The following NMBR variants were observed in gnomAD, a reference collection of about 807,000 sequenced individuals.
NMBR encodes neuromedin B receptor, also known as neuromedin-B receptor.
A neutral mutation model predicts 20.5 loss-of-function variants in NMBR; 16 were observed. The observed-to-expected ratio is 0.78, with a 90% CI of 0.53 to 1.19. The LOEUF (loss-of-function observed/expected upper bound fraction) is 1.19, where lower values mean the gene tolerates loss of function less well. Among genes scored for constraint, NMBR ranks in the 50% most tolerant of loss-of-function variants. The probability of loss-of-function intolerance (pLI) is 0.00; values close to 1 mark genes in which losing one functional copy is unlikely to be tolerated. For synonymous variants in NMBR, 212 were observed against 196.6 expected (o/e 1.08, Z -0.65); for missense variants, 582 against 499.1 (o/e 1.17, Z -1.58).
intron 1 of NMBR, among the ~76,000 whole-genome samples, chr6:142,105,829 AT>A (rs1777653530): frequency 1.3e-5 from 2 of 152,166 alleles, no homozygotes; most frequent in East Asian, 1.9e-4. Context: ...ACATTTTATA[AT>A]TTTTTTAGAA....
chr6:142,090,875 C>T (rs924206292), intron 1 of NMBR, among the ~76,000 whole-genome samples: 3 of 151,742 alleles, frequency 2.0e-5, no homozygotes, highest in Non-Finnish European at 2.9e-5. Context: ...TTTATATTCT[C>T]CTCCTTGTGT....
intron 1 of NMBR, among the ~76,000 whole-genome samples, chr6:142,107,414 T>C (rs1777681647): frequency 6.6e-6 from 1 of 152,130 alleles, no homozygotes; most frequent in Non-Finnish European, 1.5e-5. Context: ...ATACTTACAG[T>C]GGCAGACAAA....
rs1174256945 is a variant in NMBR, at chr6:142,085,811, A to C, written c.422+2426T>G. On this transcript the variant is annotated intron_variant, in intron 2 of 3. Coordinates refer to ENST00000258042, the MANE Select transcript of NMBR (RefSeq NM_002511.4). ...GGCAAAGATCTTGTTAGGCAAAGAC[A>C]CTTAGGCCATCTGTGAAGACAGGAT... Among the ~76,000 whole-genome samples the C allele has an allele frequency of 2.6e-5, 4 of 152,134 alleles. No homozygotes were observed. In the East Asian group the frequency reaches 7.7e-4, roughly 29 times the overall value.
Position 142,088,604 on chromosome 6 carries a change from C to T in NMBR, c.55G>A (p.Gly19Ser), listed in dbSNP as rs1462223741. Residue 19 changes from glycine to serine, a missense_variant, in exon 2 of 4, where the codon GGT becomes AGT. Gly to Ser is a moderately conservative substitution (Grantham distance 56, BLOSUM62 0). Coordinates refer to ENST00000258042, the MANE Select transcript of NMBR (RefSeq NM_002511.4). Reference sequence around the variant, plus strand: ...CTTTCCCACCCCTCGGGAACGGAACCGCTCTCATTCGCGCCGGTGGTCACC... The same window carrying T: ...CTTTCCCACCCCTCGGGAACGGAACTGCTCTCATTCGCGCCGGTGGTCACC... ...LSVTTGANESGSVPEGWERDF... is the reference protein window; with the variant it reads ...LSVTTGANESSSVPEGWERDF... 1 of 1,610,608 alleles carries T rather than the reference C, an allele frequency of 6.2e-7. No individual in the cohort carries two copies.
Position 142,075,884 on chromosome 6 carries a change from T to C in NMBR, c.937A>G (p.Ser313Gly), listed in dbSNP as rs148442580. Residue 313 changes from serine to glycine, a missense_variant, in exon 4 of 4, where the codon AGT becomes GGT. Physicochemically the swap from Ser to Gly is moderately conservative, Grantham distance 56. Transcript: ENST00000258042. ...GGGTTGACACAAGAATTGCCAAAAC[T>C]GAGAACCCGGGCAACTAAGGTGACA... ...MIVTLVARVL[S>G]FGNSCVNPFA... The C allele has an allele frequency of 6.2e-7, 1 of 1,614,026 alleles. No homozygotes were observed. Among genetic ancestry groups the C allele is most frequent in the Non-Finnish European group, 8.5e-7 (1 of 1,179,964 alleles).
chr6:142,098,716 A>T (rs759005174), intron 1 of NMBR, among the ~76,000 whole-genome samples: 3 of 152,174 alleles, frequency 2.0e-5, no homozygotes, highest in Non-Finnish European at 2.9e-5. Context: ...GGAAAACTCA[A>T]GTTTTCCTTG....
chr6:142,099,169 C>T (rs1440739534), intron 1 of NMBR, among the ~76,000 whole-genome samples: 1 of 152,136 alleles, frequency 6.6e-6, no homozygotes, highest in East Asian at 1.9e-4. Context: ...AAAAGTAGAT[C>T]ACAGACCTAT....
In NMBR at chr6:142,097,919, T is replaced by C. The variant is rs1777490433; in HGVS notation, c.-663-8598A>G. 2.0e-5 allele frequency among the ~76,000 whole-genome samples: 3 copies of C among 151,964 alleles called. 1 individual carries two copies. The South Asian group carries it at 6.2e-4, about 31-fold the overall frequency. Reference sequence around the variant, plus strand: ...AGTCATAAAAATAAACTTCATAAAATTAGCAGCAGAAAAAAACACTGCAGG... The same window carrying C: ...AGTCATAAAAATAAACTTCATAAAACTAGCAGCAGAAAAAAACACTGCAGG... On this transcript the variant is annotated intron_variant, in intron 1 of 3. Coordinates refer to ENST00000258042, the MANE Select transcript of NMBR (RefSeq NM_002511.4).
intron 2 of NMBR, among the ~76,000 whole-genome samples, chr6:142,082,828 A>G (rs1370207131): frequency 6.6e-6 from 1 of 152,210 alleles, no homozygotes; most frequent in African/African-American, 2.4e-5. Context: ...TCTTTTGCAA[A>G]TAAGGAAAGC....
At chr6:142,146,254 G>A (rs112321714) in intron 1 of NMBR, among the ~76,000 whole-genome samples, 130 of 152,318 alleles carry the variant, frequency 8.5e-4, no homozygotes, top group African/African-American at 2.8e-3. Flanking sequence ...CTGGGGGTGA[G>A]AGAGTGATCA....
intron 1 of NMBR, among the ~76,000 whole-genome samples, chr6:142,126,337 C>T (rs1320311215): frequency 6.6e-6 from 1 of 150,738 alleles, no homozygotes; most frequent in African/African-American, 2.4e-5. Flanking sequence ...GTTTCCATAC[C>T]TTGGCTATTG....
intron 3 of NMBR, among the ~76,000 whole-genome samples, chr6:142,077,611 AAT>A (rs1776975878): frequency 6.6e-6 from 1 of 152,194 alleles, no homozygotes; most frequent in South Asian, 2.1e-4. Flanking sequence ...GATGGCCACC[AAT>A]TCATAAAGGT....
intron 1 of NMBR, among the ~76,000 whole-genome samples, chr6:142,144,963 C>A (rs1778407071): frequency 7.4e-6 from 1 of 134,874 alleles, no homozygotes; most frequent in African/African-American, 2.8e-5. Flanking sequence ...TCCAAGACTG[C>A]AGCGAGCTCT....
chr6:142,114,270 T>C (rs1424755467), intron 1 of NMBR, among the ~76,000 whole-genome samples: 1 of 152,194 alleles, frequency 6.6e-6, no homozygotes, highest in Non-Finnish European at 1.5e-5. Context: ...TTTTCTTTGC[T>C]ATTGTGTGAG....
Position 142,088,230 on chromosome 6 carries a change from C to T in NMBR, c.422+7G>A. ...TCCAAGCCACTCACAGCTACCTGTGCTCTTACCTGTCGGCGCTGAGGGCAG... is the reference window on the plus strand; with the variant it reads ...TCCAAGCCACTCACAGCTACCTGTGTTCTTACCTGTCGGCGCTGAGGGCAG... On this transcript the variant is annotated splice_region_variant and intron_variant, in intron 2 of 3. Transcript: ENST00000258042. 2 of 1,607,990 alleles carry T rather than the reference C, an allele frequency of 1.2e-6. No homozygotes were observed. The highest frequency in any genetic ancestry group is 1.7e-6 in the Non-Finnish European group (2 of 1,179,358).
At chr6:142,111,025 A>G (rs2114589711) in intron 1 of NMBR, among the ~76,000 whole-genome samples, 1 of 152,242 alleles carries the variant, frequency 6.6e-6, no homozygotes, top group South Asian at 2.1e-4. Flanking sequence ...GGATCACTTG[A>G]GGCCAGGAGC....
chr6:142,134,847 A>T (rs1476159141), intron 1 of NMBR: 2 of 647,878 alleles, frequency 3.1e-6, no homozygotes, highest in Non-Finnish European at 5.5e-6. Flanking sequence ...CATTTACAAC[A>T]ATTACAATTT....
chr6:142,112,506 G>A (rs967824444), intron 1 of NMBR, among the ~76,000 whole-genome samples: 1 of 152,144 alleles, frequency 6.6e-6, no homozygotes, highest in Non-Finnish European at 1.5e-5. Flanking sequence ...CAAATAATTT[G>A]ATGTGGCATC....
intron 1 of NMBR, among the ~76,000 whole-genome samples, chr6:142,110,826 C>T (rs184053858): frequency 2.0e-5 from 3 of 152,212 alleles, no homozygotes; most frequent in Admixed American, 6.5e-5. Flanking sequence ...CTGCCAAATT[C>T]GTTTATAGAA....
Sources: allele counts gnomAD v4.1 joint callset (sites outside exome capture counted in the v4.1 genomes callset), GRCh38; gene constraint gnomAD v4.1.1; transcripts MANE v1.5; gene names NCBI Gene and HGNC (gene_info 2026-07-23, HGNC 2026-07-21).